MRM1: variants seen among roughly 807,000 people sequenced by gnomAD.
MRM1 encodes the protein mitochondrial rRNA methyltransferase 1.
In MRM1, 24 loss-of-function variants were observed where a neutral mutation model predicts 25.0. The observed-to-expected ratio is 0.96, with a 90% CI of 0.69 to 1.35. The LOEUF is 1.35. Ranked by LOEUF, MRM1 falls within the 40% of genes most tolerant of loss-of-function variation. The pLI is 0.00. For missense variants in MRM1, 431 were observed against 464.1 expected, an observed-to-expected ratio of 0.93 and a Z score of 0.65; for synonymous variants, 188 against 199.2, an observed-to-expected ratio of 0.94 and a Z score of 0.47.
chr17:36,610,342 CT>C (rs2074968894), downstream of MRM1, among the ~76,000 whole-genome samples: 1 of 151,934 alleles, frequency 6.6e-6, no homozygotes, highest in Non-Finnish European at 1.5e-5. Context: ...ATGCCACTCT[CT>C]TGCCTCAGCC....
At chr17:36,619,245 T>C in the MRM1 span, among the ~76,000 whole-genome samples, 1 of 152,254 alleles carries the variant, frequency 6.6e-6, no homozygotes, top group South Asian at 2.1e-4. Context: ...GACTGAATAA[T>C]ATTTCATTGT....
chr17:36,605,088 C>T (rs558237950), intron 2 of MRM1, among the ~76,000 whole-genome samples: 4 of 150,790 alleles, frequency 2.7e-5, no homozygotes, highest in South Asian at 2.1e-4. Context: ...TGCAGTGAGC[C>T]GAGATCACAG....
intron 2 of MRM1, among the ~76,000 whole-genome samples, chr17:36,605,391 C>G (rs2074920368): frequency 1.3e-5 from 2 of 149,564 alleles, no homozygotes; most frequent in Non-Finnish European, 3.0e-5. Context: ...CCAGGCTGGT[C>G]TCAAACTCCT....
chr17:36,627,615 G>A, the MRM1 span, among the ~76,000 whole-genome samples: 11 of 148,722 alleles, frequency 7.4e-5, no homozygotes, highest in Admixed American at 7.4e-4. Context: ...TTGCCCTGGT[G>A]TCTCTTTTGA....
chr17:36,619,814 G>A, the MRM1 span, among the ~76,000 whole-genome samples: 1 of 152,156 alleles, frequency 6.6e-6, no homozygotes, highest in African/African-American at 2.4e-5. Flanking sequence ...CTGCCCCCAA[G>A]AGTGCTCAAG....
chr17:36,628,765 C>T, the MRM1 span, among the ~76,000 whole-genome samples: 1 of 152,144 alleles, frequency 6.6e-6, no homozygotes, highest in Non-Finnish European at 1.5e-5. Flanking sequence ...CTCATCACAA[C>T]CCCATTTTAC....
At chr17:36,618,421 G>C in the MRM1 span, among the ~76,000 whole-genome samples, 1 of 152,128 alleles carries the variant, frequency 6.6e-6, no homozygotes, top group Non-Finnish European at 1.5e-5. Context: ...CGTGGTTGGG[G>C]GAGGGCACAA....
the MRM1 span, among the ~76,000 whole-genome samples, chr17:36,620,468 G>A: frequency 2.2e-3 from 334 of 152,270 alleles, 3 homozygotes; most frequent in Non-Finnish European, 3.3e-3. Context: ...GCAGAAACAG[G>A]ACCAGTAGGA....
At chr17:36,610,811 G>A (rs1234021103), downstream of MRM1, among the ~76,000 whole-genome samples, 2 of 151,934 alleles carry the variant, frequency 1.3e-5, no homozygotes, top group African/African-American at 2.4e-5. Context: ...CCATGTGTTG[G>A]TTTTTATTTT....
chr17:36,623,397 T>G, the MRM1 span, among the ~76,000 whole-genome samples: 1 of 152,180 alleles, frequency 6.6e-6, no homozygotes, highest in African/African-American at 2.4e-5. Context: ...AAATTTACAG[T>G]GGAATAATTG....
chr17:36,607,533 G>C, intron 2 of MRM1, 137 bp from the exon 3 acceptor site: 2 of 1,031,880 alleles, frequency 1.9e-6, no homozygotes. Flanking sequence ...TGAGGTGGGA[G>C]GATCACCAGA....
At position 36,602,945 on chromosome 17, in the gene MRM1, T is replaced by C. The variant is rs2074893797; in HGVS notation, c.636+299T>C. The stretch of plus-strand genomic sequence containing the variant: ...GCCTACTAGGTCGGGCTTCAGTAAA[T>C]GCATTTTGTTCAGCTGTGGGGAGCT... On this transcript the variant is annotated intron_variant, in intron 2 of 4. Coordinates refer to ENST00000614766, the MANE Select transcript of MRM1 (RefSeq NM_024864.5). The surrounding 1 kb of genome is among the most constrained non-coding windows in gnomAD (Gnocchi z 4.1). 1.0e-6 allele frequency: 1 copy of C among 985,298 alleles called. No individual in the cohort carries two copies. Among genetic ancestry groups the C allele is most frequent in the Admixed American group, 6.2e-5 (1 of 16,258 alleles). 61.0% of individuals were successfully genotyped at this position (985,298 alleles called of 1,614,324 possible).
the MRM1 span, among the ~76,000 whole-genome samples, chr17:36,618,808 C>T: frequency 6.6e-6 from 1 of 152,220 alleles, no homozygotes; most frequent in South Asian, 2.1e-4. Context: ...TCTATCATTA[C>T]CCTGTTGTAA....
chr17:36,603,374 A>C, intron 2 of MRM1: 1 of 181,498 alleles, frequency 5.5e-6, no homozygotes, highest in Non-Finnish European at 1.1e-5. Context: ...AATAATATCA[A>C]TTTAACATGT....
chr17:36,609,458 G>T (rs867410247), downstream of MRM1, among the ~76,000 whole-genome samples: 19 of 152,332 alleles, frequency 1.2e-4, no homozygotes, highest in African/African-American at 4.6e-4. Flanking sequence ...CCACACCCTT[G>T]ACATTTTGGG....
the MRM1 span, among the ~76,000 whole-genome samples, chr17:36,623,546 CCT>C: frequency 4.6e-5 from 7 of 152,154 alleles, no homozygotes; most frequent in Non-Finnish European, 8.8e-5. Flanking sequence ...TTCCTTCTAC[CCT>C]CTCTCCAAAG....
chr17:36,611,093 G>T (rs1328626693), downstream of MRM1, among the ~76,000 whole-genome samples: 1 of 152,228 alleles, frequency 6.6e-6, no homozygotes, highest in Non-Finnish European at 1.5e-5. Context: ...GGGATTACAG[G>T]CGTGCACTAC....
At chr17:36,629,461 G>A in the MRM1 span, among the ~76,000 whole-genome samples, 1 of 152,216 alleles carries the variant, frequency 6.6e-6, no homozygotes, top group African/African-American at 2.4e-5. Flanking sequence ...ACTAGATGGC[G>A]CTCTGACATT....
the MRM1 span, among the ~76,000 whole-genome samples, chr17:36,614,624 G>T: frequency 2.9e-4 from 44 of 152,204 alleles, no homozygotes; most frequent in African/African-American, 1.1e-3. Context: ...GCAGTCTCAG[G>T]TTCCCATCCC....
Sources: gnomAD v4.1 joint callset for allele counts (sites outside exome capture counted in the v4.1 genomes callset) on GRCh38, gnomAD v4.1.1 for gene constraint, Gnocchi (gnomAD v3.1) non-coding constraint, MANE v1.5 for transcripts, NCBI Gene and HGNC (gene_info 2026-07-23, HGNC 2026-07-21) for gene names.